Variants in SLC4A8 observed in about 807,000 individuals in gnomAD.
SLC4A8 encodes electroneutral sodium bicarbonate exchanger 1.
A neutral mutation model predicts 125.0 loss-of-function variants in SLC4A8; 40 were observed. The observed-to-expected ratio is 0.32, with a 90% CI of 0.25 to 0.42. The LOEUF (loss-of-function observed/expected upper bound fraction) is 0.42, where lower values mean the gene tolerates loss of function less well. Ranked by LOEUF, SLC4A8 falls within the 10% of genes least tolerant of loss-of-function variation. The pLI is 1.00. For synonymous variants in SLC4A8, 456 were observed against 476.0 expected, an observed-to-expected ratio of 0.96 and a Z score of 0.55; for missense variants, 863 against 1,355.1, an observed-to-expected ratio of 0.64 and a Z score of 5.70.
At chr12:51,450,006 G>T (rs1296476401) in intron 2 of SLC4A8, among the ~76,000 whole-genome samples, 1 of 152,164 alleles carries the variant, frequency 6.6e-6, no homozygotes, top group Non-Finnish European at 1.5e-5. Context: ...TCTAGCCTGG[G>T]TGACAGAGTG....
rs1341949996 is a variant in SLC4A8, at chr12:51,514,630, A to G, written c.*7192A>G. 1 of 152,178 alleles carries G rather than the reference A, an allele frequency of 6.6e-6. No homozygotes were observed. Among genetic ancestry groups the G allele is most frequent in the Admixed American group, 6.5e-5 (1 of 15,278 alleles). 9.4% of individuals were successfully genotyped at this position (152,178 alleles called of 1,614,324 possible). A position where few individuals can be genotyped will look rare whatever the true frequency, so the allele number is the denominator to read the frequency against. On this transcript the variant is annotated 3_prime_UTR_variant, in exon 25 of 25. Transcript: ENST00000453097. ...AATTCTCAAGCCTTCAGTTTCATCC[A>G]TATTTCAATGTAAGCAGAAAAGCAC...
At chr12:51,461,632 T>G (rs1436475567) in intron 9 of SLC4A8, 5 of 217,504 alleles carry the variant, frequency 2.3e-5, no homozygotes, top group Non-Finnish European at 1.9e-5. Context: ...GCTATTTACA[T>G]AAAGAAACCT....
chr12:51,484,863 C>T (rs1951122697), intron 16 of SLC4A8, among the ~76,000 whole-genome samples: 1 of 151,780 alleles, frequency 6.6e-6, no homozygotes, highest in Non-Finnish European at 1.5e-5. Flanking sequence ...GGGAGGTGGC[C>T]AATTTTAAGT....
At chr12:51,468,472 A>G (rs1292406817) in intron 11 of SLC4A8, among the ~76,000 whole-genome samples, 1 of 152,206 alleles carries the variant, frequency 6.6e-6, no homozygotes, top group Non-Finnish European at 1.5e-5. Context: ...CCTTAAAACC[A>G]TTTCTGGCCG....
At chr12:51,405,828 G>C (rs1948475181) in intron 1 of SLC4A8, among the ~76,000 whole-genome samples, 1 of 152,226 alleles carries the variant, frequency 6.6e-6, no homozygotes, top group Non-Finnish European at 1.5e-5. Context: ...GATGTAAAAA[G>C]TTCCAGCCTT....
At chr12:51,401,006 G>C (rs911405604) in intron 1 of SLC4A8, among the ~76,000 whole-genome samples, 2 of 151,130 alleles carry the variant, frequency 1.3e-5, no homozygotes, top group African/African-American at 4.9e-5. Context: ...GGAGTGGCTC[G>C]CTTCTTTAGG....
At chr12:51,424,702 G>GAGCGGT, upstream of SLC4A8, 1 of 440,332 alleles carries the variant, frequency 2.3e-6, no homozygotes, top group East Asian at 4.0e-5. Context: ...CCGGGCCCGG[G>GAGCGGT]AGCGGTTGGC....
chr12:51,441,272 CA>C, intron 2 of SLC4A8: 1 of 888,210 alleles, frequency 1.1e-6, no homozygotes, highest in African/African-American at 1.8e-5. Context: ...TTCATCTAAA[CA>C]AGAGGGAAAA....
At chr12:51,454,139 A>C (rs1950054668) in intron 5 of SLC4A8, among the ~76,000 whole-genome samples, 1 of 152,154 alleles carries the variant, frequency 6.6e-6, no homozygotes, top group African/African-American at 2.4e-5. Flanking sequence ...TCTACAAAAA[A>C]TACAAAAATT....
At chr12:51,454,134 A>G (rs1188321078) in intron 5 of SLC4A8, among the ~76,000 whole-genome samples, 1 of 152,088 alleles carries the variant, frequency 6.6e-6, no homozygotes, top group African/African-American at 2.4e-5. Flanking sequence ...CTGTCTCTAC[A>G]AAAAATACAA....
At position 51,511,669 on chromosome 12, in the gene SLC4A8, A is replaced by T. The variant is rs1029508259; in HGVS notation, c.*4231A>T. On this transcript the variant is annotated 3_prime_UTR_variant, in exon 25 of 25. Transcript: ENST00000453097. Reference sequence around the variant, plus strand: ...CTCCCAAAGTGCTGGGATTACAGGTATGAGCCACTGCCCCTGGCCTCAAAA... The same window carrying T: ...CTCCCAAAGTGCTGGGATTACAGGTTTGAGCCACTGCCCCTGGCCTCAAAA... The T allele has an allele frequency of 3.9e-5, 6 of 152,226 alleles. No individual in the cohort carries two copies. Among genetic ancestry groups the T allele is most frequent in the African/African-American group, 1.2e-4 (5 of 41,438 alleles). 9.4% of individuals were successfully genotyped at this position (152,226 alleles called of 1,614,324 possible). A position where few individuals can be genotyped will look rare whatever the true frequency, so the allele number is the denominator to read the frequency against.
chr12:51,391,582 G>A (rs544887197), intron 1 of SLC4A8: 296 of 152,280 alleles, frequency 1.9e-3, no homozygotes, highest in Admixed American at 4.2e-3. Context: ...GAGGGTCGCG[G>A]GCTCCTTCTG....
chr12:51,420,845 AG>A (rs1316562150), upstream of SLC4A8, among the ~76,000 whole-genome samples: 2 of 152,212 alleles, frequency 1.3e-5, no homozygotes, highest in Non-Finnish European at 2.9e-5. Context: ...CTGAGCTCAC[AG>A]TCTAGTGTCT....
chr12:51,446,591 T>G (rs1002372197), intron 2 of SLC4A8, among the ~76,000 whole-genome samples: 3 of 152,198 alleles, frequency 2.0e-5, no homozygotes, highest in Non-Finnish European at 4.4e-5. Flanking sequence ...CCAAGTCTCC[T>G]TCTCGGGGAA....
At chr12:51,470,329 C>T in intron 12 of SLC4A8, 63 bp from the exon 13 acceptor site, 1 of 1,521,912 alleles carries the variant, frequency 6.6e-7, no homozygotes, top group Non-Finnish European at 9.0e-7. Context: ...AGGAATGTAG[C>T]TAAGCCAACA....
intron 1 of SLC4A8, chr12:51,403,226 A>T (rs1295397210): frequency 2.2e-6 from 1 of 456,864 alleles, no homozygotes; most frequent in South Asian, 1.5e-5. Flanking sequence ...GAGACCCAGG[A>T]TACCTAAACT....
chr12:51,426,936 C>T (rs1003904051), intron 1 of SLC4A8, among the ~76,000 whole-genome samples: 3 of 144,148 alleles, frequency 2.1e-5, no homozygotes, highest in Admixed American at 6.9e-5. Flanking sequence ...TTTTTTTTTT[C>T]TTTTCTTTTT....
At chr12:51,477,011 G>C (rs1950877949) in intron 16 of SLC4A8, among the ~76,000 whole-genome samples, 1 of 150,742 alleles carries the variant, frequency 6.6e-6, no homozygotes, top group Admixed American at 6.6e-5. Context: ...GGGTTCAAGT[G>C]GTTCTTCTGC....
intron 1 of SLC4A8, among the ~76,000 whole-genome samples, chr12:51,437,907 G>T (rs1949471137): frequency 1.3e-5 from 2 of 152,188 alleles, no homozygotes; most frequent in South Asian, 4.1e-4. Context: ...AATCAGCTAA[G>T]AGTTTTTTTG....
Sources: gnomAD v4.1 joint callset for allele counts (sites outside exome capture counted in the v4.1 genomes callset) on GRCh38, gnomAD v4.1.1 for gene constraint, MANE v1.5 for transcripts, NCBI Gene and HGNC (gene_info 2026-07-23, HGNC 2026-07-21) for gene names.